METTL25: variants seen among roughly 807,000 people sequenced by gnomAD.
METTL25 encodes the protein methyltransferase like 25.
METTL25 carries 64 observed loss-of-function variants against 71.6 expected under a neutral mutation model. The observed-to-expected ratio is 0.89, with a 90% CI of 0.73 to 1.10. METTL25 has a LOEUF of 1.10. METTL25 is among the 50% of genes least tolerant of loss of function. The pLI, the probability that METTL25 is intolerant of heterozygous loss-of-function variation, is 0.00. For missense variants in METTL25, 807 were observed against 707.0 expected (o/e 1.14, Z -1.60); for synonymous variants, 287 against 250.3 (o/e 1.15, Z -1.38).
At chr12:82,431,604 T>A (rs2080203819) in intron 6 of METTL25, among the ~76,000 whole-genome samples, 1 of 151,582 alleles carries the variant, frequency 6.6e-6, no homozygotes. Context: ...TTTTAGGTGC[T>A]CTTACTGCAC....
At chr12:82,409,411 C>T (rs897347676) in intron 5 of METTL25, among the ~76,000 whole-genome samples, 1 of 151,998 alleles carries the variant, frequency 6.6e-6, no homozygotes, top group Non-Finnish European at 1.5e-5. Flanking sequence ...TACATTATTT[C>T]TTCTTCTAGA....
At chr12:82,440,997 C>T (rs915304893) in intron 8 of METTL25, among the ~76,000 whole-genome samples, 4 of 151,968 alleles carry the variant, frequency 2.6e-5, no homozygotes, top group Admixed American at 1.3e-4. Context: ...AGGGTGAGCA[C>T]AGCTTTCAAT....
At chr12:82,379,885 A>C (rs1048792908) in intron 1 of METTL25, among the ~76,000 whole-genome samples, 1 of 152,342 alleles carries the variant, frequency 6.6e-6, no homozygotes, top group Non-Finnish European at 1.5e-5. Flanking sequence ...TCTTGCACTC[A>C]GGTTCCAGAG....
At chr12:82,385,001 T>A (rs1884835930) in intron 1 of METTL25, among the ~76,000 whole-genome samples, 1 of 152,170 alleles carries the variant, frequency 6.6e-6, no homozygotes, top group African/African-American at 2.4e-5. Flanking sequence ...AATATTTTGA[T>A]GTGGATTTTA....
chr12:82,454,716 C>T (rs900786014), intron 8 of METTL25, among the ~76,000 whole-genome samples: 4 of 151,866 alleles, frequency 2.6e-5, no homozygotes, highest in Non-Finnish European at 4.4e-5. Context: ...AAGGACAACA[C>T]CCAGGAAACA....
chr12:82,382,185 T>C (rs1170292239), intron 1 of METTL25, among the ~76,000 whole-genome samples: 2 of 152,194 alleles, frequency 1.3e-5, no homozygotes, highest in South Asian at 4.1e-4. Context: ...GTAGGACATT[T>C]ATGCAGGAAT....
intron 1 of METTL25, among the ~76,000 whole-genome samples, chr12:82,377,876 C>T (rs1490418408): frequency 6.6e-6 from 1 of 152,180 alleles, no homozygotes; most frequent in Non-Finnish European, 1.5e-5. Flanking sequence ...CAAAACTTTA[C>T]ATACAATTTT....
At chr12:82,417,538 A>G (rs896648896) in intron 5 of METTL25, among the ~76,000 whole-genome samples, 1 of 152,218 alleles carries the variant, frequency 6.6e-6, no homozygotes, top group African/African-American at 2.4e-5. Context: ...AAATGGGTAC[A>G]TGTACAAATA....
At chr12:82,366,783 G>A (rs1287209296) in intron 1 of METTL25, among the ~76,000 whole-genome samples, 1 of 152,112 alleles carries the variant, frequency 6.6e-6, no homozygotes, top group Admixed American at 6.5e-5. Flanking sequence ...TCTGCTGTAT[G>A]TAACTTTTAT....
chr12:82,400,785 C>T (rs768188538), intron 4 of METTL25, among the ~76,000 whole-genome samples: 2 of 152,022 alleles, frequency 1.3e-5, no homozygotes, highest in Non-Finnish European at 2.9e-5. Flanking sequence ...CCCCTACCCT[C>T]TCGCAATACT....
chr12:82,470,210 A>G (rs1892490424), intron 9 of METTL25, among the ~76,000 whole-genome samples: 1 of 152,114 alleles, frequency 6.6e-6, no homozygotes, highest in Non-Finnish European at 1.5e-5. Flanking sequence ...CTATATTATA[A>G]CTCCAAATGT....
At chr12:82,467,165 TA>T (rs966214813) in intron 9 of METTL25, among the ~76,000 whole-genome samples, 7 of 152,096 alleles carry the variant, frequency 4.6e-5, no homozygotes, top group Non-Finnish European at 7.4e-5. Context: ...TTCATATGTT[TA>T]AAGTGGAGAA....
rs1377507854 is a variant in METTL25, at chr12:82,478,847, T to G, written c.1720-85T>G. On this transcript the variant is annotated intron_variant, in intron 11 of 11. Coordinates refer to ENST00000248306, the MANE Select transcript of METTL25 (RefSeq NM_032230.3). ...AAACAGCTTTGTTTTTATGTATTTT[T>G]TATATTACAATATATAATCCAACTC... 4.9e-6 allele frequency: 5 copies of G among 1,020,420 alleles called. No individual in the cohort carries two copies. In the East Asian group the frequency reaches 1.3e-4, roughly 27 times the overall value. The allele number at this position is 1,020,420 out of a possible 1,614,324, so 63.2% of individuals were successfully genotyped here.
chr12:82,443,289 G>A (rs1010689559), intron 8 of METTL25, among the ~76,000 whole-genome samples: 1 of 151,872 alleles, frequency 6.6e-6, no homozygotes, highest in Non-Finnish European at 1.5e-5. Context: ...GCAGCCAGAG[G>A]TGAGAGGAGT....
At chr12:82,435,357 T>A (rs958940219) in intron 7 of METTL25, among the ~76,000 whole-genome samples, 2 of 151,448 alleles carry the variant, frequency 1.3e-5, no homozygotes, top group Non-Finnish European at 3.0e-5. Flanking sequence ...TCAATTTGAA[T>A]TGTTAAAAAT....
chr12:82,437,857 A>G (rs1222404301), intron 7 of METTL25, among the ~76,000 whole-genome samples: 2 of 151,620 alleles, frequency 1.3e-5, no homozygotes, highest in African/African-American at 2.4e-5. Flanking sequence ...AATAATAACT[A>G]CATGCAAGCT....
chr12:82,459,318 G>A (rs949177164), intron 9 of METTL25, among the ~76,000 whole-genome samples: 29 of 152,146 alleles, frequency 1.9e-4, no homozygotes, highest in African/African-American at 6.3e-4. Flanking sequence ...AAAAGGAAAT[G>A]CTAAAGATCA....
chr12:82,397,505 G>T (rs1886184456), intron 3 of METTL25, among the ~76,000 whole-genome samples: 1 of 151,892 alleles, frequency 6.6e-6, no homozygotes, highest in Non-Finnish European at 1.5e-5. Context: ...TCCTACATAA[G>T]AAATGTTTGC....
intron 9 of METTL25, among the ~76,000 whole-genome samples, chr12:82,467,960 C>G (rs1186243916): frequency 6.6e-6 from 1 of 151,820 alleles, no homozygotes; most frequent in Admixed American, 6.6e-5. Flanking sequence ...TCCCAGAAAG[C>G]CTATAGGCTT....
Sources: allele counts gnomAD v4.1 joint callset (sites outside exome capture counted in the v4.1 genomes callset), GRCh38; gene constraint gnomAD v4.1.1; transcripts MANE v1.5; gene names NCBI Gene and HGNC (gene_info 2026-07-23, HGNC 2026-07-21).